PRKDC: variants seen among roughly 807,000 people sequenced by gnomAD.
PRKDC encodes the protein protein kinase, DNA-activated, catalytic subunit, also known as DNA-dependent protein kinase catalytic subunit.
In PRKDC, 82 loss-of-function variants were observed where a neutral mutation model predicts 486.9. The ratio of observed to expected loss-of-function variants is 0.17; its 90% CI spans 0.14 to 0.20. The LOEUF is 0.20. PRKDC is among the 10% of genes least tolerant of loss of function. The probability of loss-of-function intolerance (pLI) is 1.00; values close to 1 mark genes in which losing one functional copy is unlikely to be tolerated. For missense variants in PRKDC, 4,504 were observed against 5,038.2 expected, an observed-to-expected ratio of 0.89 and a Z score of 3.21; for synonymous variants, 1,895 against 1,837.0, an observed-to-expected ratio of 1.03 and a Z score of -0.81.
intron 68 of PRKDC, among the ~76,000 whole-genome samples, chr8:47,815,417 A>C (rs2087422764): frequency 6.6e-6 from 1 of 152,178 alleles, no homozygotes; most frequent in Admixed American, 6.5e-5. Context: ...ATTTACAAAA[A>C]TTTTCTTCCA....
intron 40 of PRKDC, among the ~76,000 whole-genome samples, chr8:47,869,353 C>A (rs574749894): frequency 1.3e-5 from 2 of 151,792 alleles, no homozygotes; most frequent in Admixed American, 1.3e-4. Flanking sequence ...AACAGGGCAC[C>A]AGGGAGAATC....
chr8:47,832,799 G>A lies in PRKDC; in HGVS notation c.8153-873C>T, dbSNP rs1209694519. ...GAGAGTCAGCGGCCTGGAAGCTCCC[G>A]CCATATGCCCAGAAAAACAGACTGA... On this transcript the variant is annotated intron_variant, in intron 59 of 85. Coordinates refer to ENST00000314191, the MANE Select transcript of PRKDC (RefSeq NM_006904.7). Among the ~76,000 whole-genome samples the A allele has an allele frequency of 4.6e-5, 7 of 152,176 alleles. No homozygotes were observed. The South Asian group carries it at 8.3e-4, about 18-fold the overall frequency.
At chr8:47,872,171 T>C (rs1293690011) in intron 40 of PRKDC, among the ~76,000 whole-genome samples, 1 of 152,220 alleles carries the variant, frequency 6.6e-6, no homozygotes, top group African/African-American at 2.4e-5. Context: ...ATTAGTTTTT[T>C]CTCTTGCTCA....
chr8:47,836,665 G>A (rs1237102834), intron 57 of PRKDC, 138 bp from the exon 58 acceptor site: 1 of 799,868 alleles, frequency 1.3e-6, no homozygotes, highest in Non-Finnish European at 1.9e-6. Flanking sequence ...TGCAGCTGAA[G>A]AAGAACCTTC....
chr8:47,805,759 C>T (rs145288275), intron 69 of PRKDC, among the ~76,000 whole-genome samples: 6 of 152,292 alleles, frequency 3.9e-5, no homozygotes, highest in African/African-American at 1.4e-4. Context: ...TAATTACTGC[C>T]ATTTCAACCG....
In PRKDC at chr8:47,849,363, C is replaced by T. The variant is rs2154500202; in HGVS notation, c.7130+16G>A. 1.2e-6 allele frequency: 2 copies of T among 1,613,888 alleles called. No individual in the cohort carries two copies. The highest frequency in any genetic ancestry group is 1.7e-6 in the Non-Finnish European group (2 of 1,179,864). On this transcript the variant is annotated intron_variant, in intron 53 of 85. Coordinates refer to ENST00000314191, the MANE Select transcript of PRKDC (RefSeq NM_006904.7). ...AGGACCCTCCTGCCCCGAAAGGATC[C>T]CTGGACAGCCCATACCTGTCTGCAA... is the stretch of plus-strand genomic sequence containing the variant.
At chr8:47,821,462 G>T in intron 65 of PRKDC, 142 bp downstream of exon 65, 1 of 714,718 alleles carries the variant, frequency 1.4e-6, no homozygotes, top group East Asian at 2.7e-5. Context: ...AATACTATGG[G>T]GTTTGTAGGT....
At position 47,939,542 on chromosome 8, in the gene PRKDC, G is replaced by A. The variant is rs751384717; in HGVS notation, c.1113+9C>T. 6.2e-7 allele frequency: 1 copy of A among 1,604,860 alleles called. No homozygotes were observed. Among genetic ancestry groups the A allele is most frequent in the Non-Finnish European group, 8.5e-7 (1 of 1,176,694 alleles). ...CCAAGACAAAATAGAGTAAGTTAATGAGACATACTCCTGCAAAAAGTCCAT... is the reference window on the plus strand; with the variant it reads ...CCAAGACAAAATAGAGTAAGTTAATAAGACATACTCCTGCAAAAAGTCCAT... On this transcript the variant is annotated intron_variant, in intron 11 of 85. Coordinates refer to ENST00000314191, the MANE Select transcript of PRKDC (RefSeq NM_006904.7).
At position 47,794,360 on chromosome 8, in the gene PRKDC, T is replaced by G. The variant is rs750504626; in HGVS notation, c.10600A>C (p.Ile3534Leu). 1.2e-6 allele frequency: 2 copies of G among 1,613,836 alleles called. No homozygotes were observed. The highest frequency in any genetic ancestry group is 3.3e-5 in the Admixed American group (2 of 59,978). ...AAGGAATAGCTTTCGCTGCTTATGA[T>G]GAAGGGATAAACAATAGCCTGCGGG... ...NYPQAIVYPF[I>L]ISSESYSFKD... Residue 3534 changes from isoleucine (I) to leucine (L), a missense_variant, in exon 74 of 86, where the codon ATC becomes CTC. Around this residue, in one of 6 missense-constraint regions of PRKDC, gnomAD observed 706 missense variants for 945.0 expected, o/e 0.75. Coordinates refer to ENST00000314191, the MANE Select transcript of PRKDC (RefSeq NM_006904.7).
At chr8:47,941,962 A>G (rs2090452298) in intron 10 of PRKDC, among the ~76,000 whole-genome samples, 1 of 152,234 alleles carries the variant, frequency 6.6e-6, no homozygotes, top group South Asian at 2.1e-4. Flanking sequence ...AAAGACAACC[A>G]GCGCAGTGGA....
intron 21 of PRKDC, among the ~76,000 whole-genome samples, chr8:47,924,992 GC>G (rs543919790): frequency 4.6e-5 from 7 of 152,092 alleles, no homozygotes; most frequent in Non-Finnish European, 1.0e-4. Flanking sequence ...CACCCTGCCT[GC>G]ACCCCAACAT....
intron 36 of PRKDC, among the ~76,000 whole-genome samples, chr8:47,885,240 C>T (rs1563784673): frequency 6.6e-6 from 1 of 152,178 alleles, no homozygotes; most frequent in Non-Finnish European, 1.5e-5. Flanking sequence ...CAACCTCCGC[C>T]TCTCAGGTTC....
At chr8:47,795,700 C>A (rs2086971783) in intron 73 of PRKDC, among the ~76,000 whole-genome samples, 1 of 150,770 alleles carries the variant, frequency 6.6e-6, no homozygotes, top group Non-Finnish European at 1.5e-5. Flanking sequence ...GCCACGTTGG[C>A]CAGACTGGTC....
Position 47,827,732 on chromosome 8 carries a change from G to A in PRKDC, c.8577+436C>T, listed in dbSNP as rs187976228. On this transcript the variant is annotated intron_variant, in intron 62 of 85. Coordinates refer to ENST00000314191, the MANE Select transcript of PRKDC (RefSeq NM_006904.7). ...TTGCCTATTACCCATCTATTAATGGGAATGTAAGGTCGGGAGGAAAGGAAT... is the reference window on the plus strand; with the variant it reads ...TTGCCTATTACCCATCTATTAATGGAAATGTAAGGTCGGGAGGAAAGGAAT... 2.3e-3 allele frequency among the ~76,000 whole-genome samples: 351 copies of A among 152,326 alleles called. 5 individuals are homozygous for A. Among genetic ancestry groups the A allele is most frequent in the East Asian group, 1.2e-3 (6 of 5,192 alleles).
Position 47,926,181 on chromosome 8 carries a change from CAAAT to C in PRKDC, c.2419+1009_2419+1012del, listed in dbSNP as rs200158752. Among the ~76,000 whole-genome samples, 6 of 152,234 alleles carry C rather than the reference CAAAT, an allele frequency of 3.9e-5. No homozygotes were observed. In the East Asian group the frequency reaches 1.2e-3, roughly 29 times the overall value. ...AAGTGATGTATTTGTCATGAATACTCAAATAATGGCACTCCTTATATAAATGTGA... is the reference window on the plus strand; with the variant it reads ...AAGTGATGTATTTGTCATGAATACTCAATGGCACTCCTTATATAAATGTGA... On this transcript the variant is annotated intron_variant, in intron 21 of 85. Coordinates refer to ENST00000314191, the MANE Select transcript of PRKDC (RefSeq NM_006904.7).
At chr8:47,795,659 A>G (rs529040665) in intron 73 of PRKDC, among the ~76,000 whole-genome samples, 4 of 151,774 alleles carry the variant, frequency 2.6e-5, no homozygotes, top group Admixed American at 2.6e-4. Flanking sequence ...ATACCCAGCT[A>G]ATTTTTGTAC....
rs2088024821 is a variant in PRKDC at position 47,836,427 on chromosome 8, T to G, written c.7862A>C (p.Gln2621Pro). ...CCAGCGAGCTGAGAGGGACCCTTCC[T>G]GGGTACGGGTCTGGAGAGTGCCCTG... ...ASQGTLQTRT[Q>P]EGSLSARWPV... Residue 2621 changes from glutamine to proline, a missense_variant, in exon 58 of 86, where the codon CAG (glutamine) becomes CCG (proline). Gln to Pro is a moderately conservative substitution (Grantham distance 76). Coordinates refer to ENST00000314191, the MANE Select transcript of PRKDC (RefSeq NM_006904.7). 3 of 1,612,808 alleles carry G rather than the reference T, an allele frequency of 1.9e-6. No individual in the cohort carries two copies. The highest frequency in any genetic ancestry group is 1.7e-5 in the Admixed American group (1 of 59,820).
chr8:47,907,475 A>G (rs368609172), intron 25 of PRKDC, among the ~76,000 whole-genome samples: 47 of 150,652 alleles, frequency 3.1e-4, no homozygotes, highest in African/African-American at 9.8e-4. Context: ...TCATCCCTCT[A>G]CAATCCTACA....
intron 10 of PRKDC, among the ~76,000 whole-genome samples, chr8:47,941,752 C>T (rs1396150642): frequency 1.3e-5 from 2 of 152,222 alleles, no homozygotes; most frequent in Admixed American, 6.5e-5. Flanking sequence ...GCCCTGAGGG[C>T]AGCATTGAGG....
Sources: allele counts gnomAD v4.1 joint callset (sites outside exome capture counted in the v4.1 genomes callset), GRCh38; gene constraint gnomAD v4.1.1; regional missense constraint gnomAD v4.1.1; transcripts MANE v1.5; gene names NCBI Gene and HGNC (gene_info 2026-07-23, HGNC 2026-07-21).